The following MED27 variants were observed in gnomAD, a reference collection of about 807,000 sequenced individuals.
MED27 encodes mediator complex subunit 27, also known as mediator of RNA polymerase II transcription subunit 27.
In MED27, 30 loss-of-function variants were observed where a neutral mutation model predicts 38.2. That is an observed-to-expected ratio of 0.79 (90% CI 0.59 to 1.07). The LOEUF (loss-of-function observed/expected upper bound fraction) is 1.07, where lower values mean the gene tolerates loss of function less well. Among genes scored for constraint, MED27 ranks in the 50% least tolerant of loss-of-function variants. The pLI, the probability that MED27 is intolerant of heterozygous loss-of-function variation, is 0.00. For missense variants in MED27, 289 were observed against 397.5 expected (o/e 0.73, Z 2.32); for synonymous variants, 122 against 153.5 (o/e 0.79, Z 1.52).
chr9:131,887,704 T>C (rs1212810528), intron 5 of MED27, among the ~76,000 whole-genome samples: 1 of 152,216 alleles, frequency 6.6e-6, no homozygotes, highest in East Asian at 1.9e-4. Flanking sequence ...TTCTGGAAGC[T>C]GCAAACCTTC....
intron 6 of MED27, among the ~76,000 whole-genome samples, chr9:131,865,360 G>A (rs992745552): frequency 3.3e-5 from 5 of 152,232 alleles, no homozygotes; most frequent in African/African-American, 7.2e-5. Flanking sequence ...TAATGGCTAC[G>A]AAACACAGCA....
chr9:131,867,499 C>T (rs1440536357), intron 6 of MED27, among the ~76,000 whole-genome samples: 1 of 152,244 alleles, frequency 6.6e-6, no homozygotes, highest in African/African-American at 2.4e-5. Context: ...CTTGGATATT[C>T]ACTGCACATC....
At chr9:131,895,084 C>T (rs1829804088) in intron 4 of MED27, among the ~76,000 whole-genome samples, 1 of 152,202 alleles carries the variant, frequency 6.6e-6, no homozygotes, top group African/African-American at 2.4e-5. Flanking sequence ...CATCATGCTT[C>T]TTATACTTCC....
chr9:132,044,073 T>C (rs1833279573), intron 2 of MED27, among the ~76,000 whole-genome samples: 1 of 151,954 alleles, frequency 6.6e-6, no homozygotes, highest in Non-Finnish European at 1.5e-5. Context: ...TTAAAGTCCC[T>C]CATGAGATAA....
chr9:131,890,415 C>T (rs914673502), intron 5 of MED27, among the ~76,000 whole-genome samples: 1 of 152,196 alleles, frequency 6.6e-6, no homozygotes, highest in Non-Finnish European at 1.5e-5. Flanking sequence ...CCCAAATGTA[C>T]AGCCATTTTC....
At position 131,913,267 on chromosome 9, in the gene MED27, A is replaced by G. The variant is rs1830223353; in HGVS notation, c.574-19275T>C. ...GTGACCTTTTCATGGATAGTAGCAGAGGTTGATAAAGAAAGACCAGGACTT... is the reference window on the plus strand; with the variant it reads ...GTGACCTTTTCATGGATAGTAGCAGGGGTTGATAAAGAAAGACCAGGACTT... On this transcript the variant is annotated intron_variant, in intron 4 of 7. Coordinates refer to ENST00000292035, the MANE Select transcript of MED27 (RefSeq NM_004269.4). This position sits in a 1 kb window ranked among gnomAD's most constrained non-coding sequence, Gnocchi z 4.5. Among the ~76,000 whole-genome samples, 1 of 152,198 alleles carries G rather than the reference A, an allele frequency of 6.6e-6. No homozygotes were observed. Among genetic ancestry groups the G allele is most frequent in the African/African-American group, 2.4e-5 (1 of 41,446 alleles).
chr9:132,044,719 C>T (rs1456541624), intron 2 of MED27, among the ~76,000 whole-genome samples: 1 of 152,224 alleles, frequency 6.6e-6, no homozygotes, highest in African/African-American at 2.4e-5. Flanking sequence ...ACCCTCAATG[C>T]CATGGCTGGA....
chr9:131,963,739 C>G (rs993423639), intron 3 of MED27, among the ~76,000 whole-genome samples: 1 of 152,096 alleles, frequency 6.6e-6, no homozygotes, highest in African/African-American at 2.4e-5. Context: ...GGCTCCTGTG[C>G]TTTATATTTA....
chr9:131,941,358 G>A (rs1002775433), intron 3 of MED27, among the ~76,000 whole-genome samples: 3 of 152,136 alleles, frequency 2.0e-5, no homozygotes, highest in African/African-American at 7.2e-5. Context: ...GTTTGAACCT[G>A]GGGCTCATGA....
intron 3 of MED27, among the ~76,000 whole-genome samples, chr9:131,980,970 C>T (rs1194502275): frequency 6.6e-6 from 1 of 152,150 alleles, no homozygotes; most frequent in African/African-American, 2.4e-5. Flanking sequence ...AGAATTTGCA[C>T]ATCTTTAAAG....
chr9:132,009,418 G>A (rs1832434132), intron 3 of MED27, among the ~76,000 whole-genome samples: 1 of 152,210 alleles, frequency 6.6e-6, no homozygotes, highest in Admixed American at 6.5e-5. Context: ...AACTGACGCT[G>A]TGTGTCTTCT....
intron 4 of MED27, among the ~76,000 whole-genome samples, chr9:131,915,696 C>T (rs1830276483): frequency 6.6e-6 from 1 of 152,194 alleles, no homozygotes; most frequent in Non-Finnish European, 1.5e-5. Context: ...TGCCCACTGC[C>T]CACTGGCACA....
At position 132,051,937 on chromosome 9, in the gene MED27, T is replaced by C. The variant is rs1272400426; in HGVS notation, c.348+25505A>G. Among the ~76,000 whole-genome samples, 1 of 152,196 alleles carries C rather than the reference T, an allele frequency of 6.6e-6. No homozygotes were observed. Among genetic ancestry groups the C allele is most frequent in the Non-Finnish European group, 1.5e-5 (1 of 68,034 alleles). On this transcript the variant is annotated intron_variant, in intron 2 of 7. Transcript: ENST00000292035. The surrounding 1 kb of genome is among the most constrained non-coding windows in gnomAD (Gnocchi z 4.2). ...TACGATGAGAAAGTTTAGCTTATAA[T>C]AGTTGATCAAAAGATGAATAAAACA...
Position 131,872,908 on chromosome 9 carries a change from C to T in MED27, c.724-9768G>A, listed in dbSNP as rs1838862288. On this transcript the variant is annotated intron_variant, in intron 6 of 7. Transcript: ENST00000292035. The surrounding 1 kb of genome is among the most constrained non-coding windows in gnomAD (Gnocchi z 5.6). ...GGAACCAGGGAGGCCACCTGCACAG[C>T]ACTGTCCTCTGTGTGGGAAGCCTCT... Among the ~76,000 whole-genome samples the T allele has an allele frequency of 6.6e-6, 1 of 152,260 alleles. No individual in the cohort carries two copies. Among genetic ancestry groups the T allele is most frequent in the Non-Finnish European group, 1.5e-5 (1 of 68,042 alleles).
chr9:131,955,042 C>A lies in MED27; in HGVS notation c.480-15568G>T, dbSNP rs1250504196. On this transcript the variant is annotated intron_variant, in intron 3 of 7. Transcript: ENST00000292035. ...CCTTTCCAAGTGCACCTGGAACACT[C>A]ACCAAGACAGACCATAAGCCGGGTC... 2.0e-5 allele frequency among the ~76,000 whole-genome samples: 3 copies of A among 152,118 alleles called. 1 individual carries two copies. The highest frequency in any genetic ancestry group is 7.2e-5 in the African/African-American group (3 of 41,416).
rs12344953 is a variant in MED27 at position 131,988,153 on chromosome 9, T to C, written c.479+26184A>G. Among the ~76,000 whole-genome samples the C allele has an allele frequency of 3.6e-3, 541 of 152,344 alleles. 1 individual carries two copies. The highest frequency in any genetic ancestry group is 0.012 in the African/African-American group (513 of 41,572). On this transcript the variant is annotated intron_variant, in intron 3 of 7. Transcript: ENST00000292035. Reference sequence around the variant, plus strand: ...CTTTTGCCTTTTTCAAAATTTCCTATAGCATAGTGGCTACTCAATCTTTTT... The same window carrying C: ...CTTTTGCCTTTTTCAAAATTTCCTACAGCATAGTGGCTACTCAATCTTTTT...
At chr9:132,038,262 GCTCA>G (rs1833127130) in intron 2 of MED27, among the ~76,000 whole-genome samples, 2 of 145,674 alleles carry the variant, frequency 1.4e-5, no homozygotes, top group South Asian at 4.4e-4. Context: ...CGGGATCTCG[GCTCA>G]CTGCAAGCTC....
At chr9:131,990,523 T>C (rs1399372790) in intron 3 of MED27, among the ~76,000 whole-genome samples, 1 of 152,236 alleles carries the variant, frequency 6.6e-6, no homozygotes, top group African/African-American at 2.4e-5. Flanking sequence ...AGAACACTCA[T>C]TCTGCAGTCA....
In MED27 at chr9:132,054,349, C is replaced by CCCCAGAAG. The variant is rs201410757; in HGVS notation, c.348+23085_348+23092dup. On this transcript the variant is annotated intron_variant, in intron 2 of 7. Transcript: ENST00000292035. ...CATAAGTAAGAGCTCCCTGAGGCCTCCCCAGAAGCCCAGAAGCTCAGCAGA... is the reference window on the plus strand; with the variant it reads ...CATAAGTAAGAGCTCCCTGAGGCCTCCCCAGAAGCCCAGAAGCCCAGAAGCTCAGCAGA... 5.0e-4 allele frequency among the ~76,000 whole-genome samples: 76 copies of CCCCAGAAG among 152,302 alleles called. No homozygotes were observed. The East Asian group carries it at 0.012, about 24-fold the overall frequency.
Sources: gnomAD v4.1 joint callset for allele counts (sites outside exome capture counted in the v4.1 genomes callset) on GRCh38, gnomAD v4.1.1 for gene constraint, Gnocchi (gnomAD v3.1) non-coding constraint, MANE v1.5 for transcripts, NCBI Gene and HGNC (gene_info 2026-07-23, HGNC 2026-07-21) for gene names.